Variants in GRIK3 observed in about 807,000 individuals in gnomAD.
GRIK3 encodes the protein glutamate ionotropic receptor kainate type subunit 3.
Under a neutral mutation model 102.5 loss-of-function variants are expected in GRIK3, and 29 were observed. The observed-to-expected ratio is 0.28, with a 90% confidence interval of 0.21 to 0.39. The LOEUF is 0.39. Ranked by LOEUF, GRIK3 falls within the 10% of genes least tolerant of loss-of-function variation. The pLI is 1.00. For missense variants in GRIK3, 908 were observed against 1,252.4 expected (o/e 0.73, Z 4.15); for synonymous variants, 511 against 504.9 (o/e 1.01, Z -0.16).
intron 13 of GRIK3, among the ~76,000 whole-genome samples, chr1:36,815,131 T>C (rs1462814822): frequency 6.6e-6 from 1 of 152,236 alleles, no homozygotes; most frequent in Non-Finnish European, 1.5e-5. Flanking sequence ...CCCATAGTGT[T>C]CCCAACATGC....
At chr1:36,867,447 C>G (rs1439166034) in intron 5 of GRIK3, among the ~76,000 whole-genome samples, 1 of 152,104 alleles carries the variant, frequency 6.6e-6, no homozygotes, top group Non-Finnish European at 1.5e-5. Flanking sequence ...ATGACTAGCT[C>G]CCATATAGCT....
At chr1:36,986,482 C>T (rs1207772698) in intron 1 of GRIK3, among the ~76,000 whole-genome samples, 1 of 150,506 alleles carries the variant, frequency 6.6e-6, no homozygotes, top group Non-Finnish European at 1.5e-5. Flanking sequence ...ATCCATCCAT[C>T]CATCCATCCA....
intron 15 of GRIK3, among the ~76,000 whole-genome samples, chr1:36,803,798 A>G (rs1048389823): frequency 6.6e-6 from 1 of 152,208 alleles, no homozygotes; most frequent in African/African-American, 2.4e-5. Context: ...ATGTATCATA[A>G]TTTTGTATCA....
chr1:37,016,788 A>G (rs1642656352), intron 1 of GRIK3, among the ~76,000 whole-genome samples: 1 of 152,166 alleles, frequency 6.6e-6, no homozygotes, highest in Non-Finnish European at 1.5e-5. Flanking sequence ...ATGTTGGCTG[A>G]TTCAACTTAA....
At chr1:36,924,865 A>G in intron 1 of GRIK3, among the ~76,000 whole-genome samples, 1 of 152,184 alleles carries the variant, frequency 6.6e-6, no homozygotes, top group East Asian at 1.9e-4. Flanking sequence ...AAACATCTGC[A>G]CAGACTTACT....
chr1:36,933,931 T>A (rs1212915297), intron 1 of GRIK3, among the ~76,000 whole-genome samples: 1 of 152,138 alleles, frequency 6.6e-6, no homozygotes, highest in Non-Finnish European at 1.5e-5. Context: ...CACCACCTCA[T>A]CTTTATGCCC....
chr1:36,816,366 A>T (rs934817372), intron 13 of GRIK3, among the ~76,000 whole-genome samples: 2 of 152,122 alleles, frequency 1.3e-5, no homozygotes, highest in African/African-American at 4.8e-5. Context: ...TTCTGGGAGA[A>T]CCTTTGCAGC....
chr1:36,881,680 T>C (rs1475009790), intron 2 of GRIK3, among the ~76,000 whole-genome samples: 3 of 152,192 alleles, frequency 2.0e-5, no homozygotes, highest in Non-Finnish European at 4.4e-5. Flanking sequence ...CCCTCCTGTC[T>C]ATTCTGCACT....
chr1:36,944,380 C>A (rs577777966), intron 1 of GRIK3, among the ~76,000 whole-genome samples: 2 of 152,234 alleles, frequency 1.3e-5, no homozygotes, highest in East Asian at 3.9e-4. Context: ...CCCCTCAGGC[C>A]GAAGGGGCTG....
intron 1 of GRIK3, among the ~76,000 whole-genome samples, chr1:37,003,434 T>G (rs1642499826): frequency 6.6e-6 from 1 of 152,204 alleles, no homozygotes; most frequent in African/African-American, 2.4e-5. Context: ...TTCAGCTCAG[T>G]TGGCCTTGGA....
intron 1 of GRIK3, among the ~76,000 whole-genome samples, chr1:37,023,203 T>C (rs1642734226): frequency 6.6e-6 from 1 of 152,014 alleles, no homozygotes; most frequent in African/African-American, 2.4e-5. Flanking sequence ...GGCATGCACC[T>C]GTAGTCCCAG....
At chr1:36,977,273 TCC>T (rs1451814996) in intron 1 of GRIK3, among the ~76,000 whole-genome samples, 1 of 152,190 alleles carries the variant, frequency 6.6e-6, no homozygotes, top group Non-Finnish European at 1.5e-5. Context: ...CCAAACCAGG[TCC>T]CATTGTCTTA....
At chr1:36,926,394 AC>A (rs1641528202) in intron 1 of GRIK3, among the ~76,000 whole-genome samples, 2 of 143,424 alleles carry the variant, frequency 1.4e-5, no homozygotes, top group African/African-American at 2.6e-5. Context: ...TCTACGCCCC[AC>A]TTTTTTTTTT....
intron 1 of GRIK3, among the ~76,000 whole-genome samples, chr1:36,981,874 G>T (rs1370789433): frequency 6.6e-6 from 1 of 152,198 alleles, no homozygotes; most frequent in Non-Finnish European, 1.5e-5. Context: ...CCCAATAAAG[G>T]CAGAAGGCAA....
chr1:36,967,105 T>C (rs943416570), intron 1 of GRIK3, among the ~76,000 whole-genome samples: 2 of 152,178 alleles, frequency 1.3e-5, no homozygotes, highest in Admixed American at 6.5e-5. Context: ...AAGGAGGGGC[T>C]AAAATTTGAA....
intron 1 of GRIK3, among the ~76,000 whole-genome samples, chr1:37,004,984 G>C (rs1179046074): frequency 6.6e-6 from 1 of 152,210 alleles, no homozygotes; most frequent in African/African-American, 2.4e-5. Context: ...TGTGATGCAG[G>C]GTTCCTGCCT....
chr1:36,817,711 A>T (rs188835867), intron 12 of GRIK3, among the ~76,000 whole-genome samples: 14 of 152,274 alleles, frequency 9.2e-5, no homozygotes, highest in Non-Finnish European at 1.5e-4. Context: ...TCTCGAGTGA[A>T]TCCTGCTCCC....
intron 11 of GRIK3, among the ~76,000 whole-genome samples, chr1:36,825,356 T>C (rs1642744060): frequency 6.6e-6 from 1 of 152,102 alleles, no homozygotes; most frequent in South Asian, 2.1e-4. Context: ...AACTGCTTCA[T>C]CTCAGAGTTA....
intron 1 of GRIK3, among the ~76,000 whole-genome samples, chr1:37,007,647 C>A (rs149670495): frequency 0.016 from 2,390 of 152,306 alleles, 184 homozygotes; most frequent in Admixed American, 0.14. Flanking sequence ...GCCTACTATG[C>A]GTCAGGCCTT....
Sources: allele counts gnomAD v4.1 joint callset (sites outside exome capture counted in the v4.1 genomes callset), GRCh38; gene constraint gnomAD v4.1.1; transcripts MANE v1.5; gene names NCBI Gene and HGNC (gene_info 2026-07-23, HGNC 2026-07-21).